ME3: variants seen among roughly 807,000 people sequenced by gnomAD.
ME3 encodes NADP-dependent malic enzyme, mitochondrial.
ME3 carries 48 observed loss-of-function variants against 68.9 expected under a neutral mutation model. The observed-to-expected ratio is 0.70, with a 90% CI of 0.55 to 0.89. The LOEUF (loss-of-function observed/expected upper bound fraction) is 0.89. Ranked by LOEUF, ME3 falls within the 40% of genes least tolerant of loss-of-function variation. The pLI is 0.00. For synonymous variants in ME3, 320 were observed against 318.8 expected, an observed-to-expected ratio of 1.00 and a Z score of -0.04; for missense variants, 675 against 797.4, an observed-to-expected ratio of 0.85 and a Z score of 1.85.
At chr11:86,475,870 TATATAGAG>T (rs1473906280) in intron 7 of ME3, among the ~76,000 whole-genome samples, 10 of 106,500 alleles carry the variant, frequency 9.4e-5, no homozygotes, top group Non-Finnish European at 1.5e-4. Flanking sequence ...TATATATATA[TATATAGAG>T]AGAGAGAGAG....
chr11:86,572,210 A>G (rs966416292), intron 2 of ME3, among the ~76,000 whole-genome samples: 1 of 152,152 alleles, frequency 6.6e-6, no homozygotes, highest in African/African-American at 2.4e-5. Flanking sequence ...GCTATGAAAT[A>G]GTCTGCAACC....
At chr11:86,542,849 T>C (rs1311536669) in intron 4 of ME3, among the ~76,000 whole-genome samples, 2 of 151,996 alleles carry the variant, frequency 1.3e-5, no homozygotes, top group African/African-American at 4.8e-5. Flanking sequence ...AGACACATAA[T>C]TGTCAGATTC....
chr11:86,554,461 A>G (rs1048828735), intron 4 of ME3, among the ~76,000 whole-genome samples: 8 of 152,138 alleles, frequency 5.3e-5, no homozygotes, highest in South Asian at 4.2e-4. Flanking sequence ...CAATGATTCA[A>G]TTTTCTTGGT....
At chr11:86,523,375 A>G (rs1954474379) in intron 4 of ME3, among the ~76,000 whole-genome samples, 1 of 152,236 alleles carries the variant, frequency 6.6e-6, no homozygotes, top group South Asian at 2.1e-4. Flanking sequence ...AAGGGAAAGC[A>G]GGTAAGAAAC....
At chr11:86,493,059 A>T (rs1196707737) in intron 6 of ME3, among the ~76,000 whole-genome samples, 2 of 152,186 alleles carry the variant, frequency 1.3e-5, no homozygotes, top group Non-Finnish European at 1.5e-5. Flanking sequence ...GGGCATCCTC[A>T]TGGGTTACAC....
chr11:86,458,407 C>G (rs1950054226), intron 8 of ME3, among the ~76,000 whole-genome samples: 1 of 152,320 alleles, frequency 6.6e-6, no homozygotes, highest in African/African-American at 2.4e-5. Context: ...GGGCACTTCT[C>G]TGGCCAATGG....
chr11:86,485,830 C>G (rs370670928), intron 7 of ME3, among the ~76,000 whole-genome samples: 57 of 152,324 alleles, frequency 3.7e-4, no homozygotes, highest in African/African-American at 1.3e-3. Flanking sequence ...TCTTCCTGCC[C>G]TTGGACCCAG....
intron 2 of ME3, among the ~76,000 whole-genome samples, chr11:86,571,695 C>A (rs1957804207): frequency 6.6e-6 from 1 of 152,268 alleles, no homozygotes; most frequent in Non-Finnish European, 1.5e-5. Context: ...GACTCAGAAC[C>A]CTGACTTTGG....
At chr11:86,447,732 C>G (rs757906100) in intron 11 of ME3, among the ~76,000 whole-genome samples, 1 of 151,888 alleles carries the variant, frequency 6.6e-6, no homozygotes, top group Non-Finnish European at 1.5e-5. Flanking sequence ...GTGGCGGGCA[C>G]CTATAATGCC....
chr11:86,559,869 GGA>G, intron 2 of ME3, 46 bp from the exon 3 acceptor site: 1 of 1,589,782 alleles, frequency 6.3e-7, no homozygotes. Flanking sequence ...TGCATACTCA[GGA>G]GACAAAGGAA....
At chr11:86,564,283 A>G (rs1460314072) in intron 2 of ME3, among the ~76,000 whole-genome samples, 2 of 152,088 alleles carry the variant, frequency 1.3e-5, no homozygotes, top group Non-Finnish European at 2.9e-5. Context: ...CATTATTGTT[A>G]AATTTTAAGT....
chr11:86,602,759 C>T (rs1047076169), intron 2 of ME3, among the ~76,000 whole-genome samples: 2 of 152,126 alleles, frequency 1.3e-5, no homozygotes, highest in Non-Finnish European at 2.9e-5. Flanking sequence ...GAGATATAGA[C>T]CAATGGAACA....
At chr11:86,639,946 C>A (rs1216997947) in intron 2 of ME3, among the ~76,000 whole-genome samples, 2 of 152,158 alleles carry the variant, frequency 1.3e-5, no homozygotes. Flanking sequence ...TGATGGGAAT[C>A]AAAGCCCACC....
At chr11:86,495,779 G>A (rs140718150) in intron 6 of ME3, among the ~76,000 whole-genome samples, 319 of 152,238 alleles carry the variant, frequency 2.1e-3, no homozygotes, top group Non-Finnish European at 3.9e-3. Context: ...ATGGAGACCA[G>A]GTGGTTTTAG....
chr11:86,521,312 G>A (rs1297134086), intron 4 of ME3, among the ~76,000 whole-genome samples: 2 of 151,794 alleles, frequency 1.3e-5, no homozygotes, highest in Admixed American at 6.6e-5. Flanking sequence ...GGAGAATGGC[G>A]TGAACCCAGG....
intron 6 of ME3, 108 bp from the exon 7 acceptor site, chr11:86,487,548 G>A (rs939444026): frequency 2.0e-5 from 17 of 835,234 alleles, no homozygotes; most frequent in Middle Eastern, 2.4e-4. Context: ...TGGGAGGAGA[G>A]GGGGGAGTAA....
intron 2 of ME3, among the ~76,000 whole-genome samples, chr11:86,662,615 A>T (rs1228186638): frequency 6.6e-6 from 1 of 152,130 alleles, no homozygotes; most frequent in Non-Finnish European, 1.5e-5. Context: ...TAAAAATGAA[A>T]ATAAAATTTA....
chr11:86,438,522 T>C (rs772267903), downstream of ME3, among the ~76,000 whole-genome samples: 21 of 152,174 alleles, frequency 1.4e-4, no homozygotes, highest in Non-Finnish European at 2.4e-4. Flanking sequence ...TCCCCTATTT[T>C]CTGAAAGAGT....
At chr11:86,453,089 C>T (rs1007881943) in intron 8 of ME3, among the ~76,000 whole-genome samples, 4 of 150,758 alleles carry the variant, frequency 2.7e-5, no homozygotes, top group East Asian at 1.9e-4. Flanking sequence ...ACCTCTGCCT[C>T]CTGGATTCAG....
Sources: gnomAD v4.1 joint callset for allele counts (sites outside exome capture counted in the v4.1 genomes callset) on GRCh38, gnomAD v4.1.1 for gene constraint, MANE v1.5 for transcripts, NCBI Gene and HGNC (gene_info 2026-07-23, HGNC 2026-07-21) for gene names.